Variants in KALRN observed in about 807,000 individuals in gnomAD.
KALRN encodes the protein kalirin RhoGEF kinase, also known as kalirin.
KALRN carries 70 observed loss-of-function variants against 353.7 expected under a neutral mutation model. That is an observed-to-expected ratio of 0.20 (90% CI 0.16 to 0.24). KALRN has a LOEUF of 0.24. Ranked by LOEUF, KALRN falls within the 10% of genes least tolerant of loss-of-function variation. The pLI is 1.00. For synonymous variants in KALRN, 1,391 were observed against 1,434.8 expected (o/e 0.97, Z 0.69); for missense variants, 2,791 against 3,756.7 (o/e 0.74, Z 6.72).
At chr3:124,396,473 C>A (rs1189031965) in intron 12 of KALRN, among the ~76,000 whole-genome samples, 1 of 152,182 alleles carries the variant, frequency 6.6e-6, no homozygotes, top group Non-Finnish European at 1.5e-5. Context: ...GCTTTGTGTG[C>A]CTCCCTAGGA....
chr3:124,387,427 G>A (rs1445633), intron 11 of KALRN, among the ~76,000 whole-genome samples: 26,401 of 152,086 alleles, frequency 0.17, 2,356 homozygotes, highest in Admixed American at 0.2. Flanking sequence ...GATAATTCTC[G>A]TTTTTTAAAA....
intron 10 of KALRN, among the ~76,000 whole-genome samples, chr3:124,368,580 G>C (rs1319353064): frequency 6.8e-6 from 1 of 148,022 alleles, no homozygotes; most frequent in Non-Finnish European, 1.5e-5. Flanking sequence ...TTTCCAGACT[G>C]GGCAGCCAGG....
intron 3 of KALRN, among the ~76,000 whole-genome samples, chr3:124,256,598 T>G (rs1972948): frequency 0.62 from 94,063 of 152,018 alleles, 31,893 homozygotes; most frequent in Non-Finnish European, 0.75. Context: ...AGGCTACCAT[T>G]AGTGAAAACG....
intron 1 of KALRN, among the ~76,000 whole-genome samples, chr3:124,048,773 G>A (rs1467341233): frequency 3.3e-5 from 5 of 152,312 alleles, no homozygotes; most frequent in Middle Eastern, 3.4e-3. Flanking sequence ...GTGAGCCACC[G>A]CACCCGGCCA....
At chr3:124,464,456 A>G (rs1049423850) in intron 25 of KALRN, among the ~76,000 whole-genome samples, 8 of 152,308 alleles carry the variant, frequency 5.3e-5, no homozygotes, top group East Asian at 3.9e-4. Context: ...AAATAGCTGA[A>G]AATCTACCTA....
chr3:124,712,359 T>C (rs2062932203), intron 57 of KALRN, among the ~76,000 whole-genome samples: 1 of 152,224 alleles, frequency 6.6e-6, no homozygotes, highest in Non-Finnish European at 1.5e-5. Flanking sequence ...TTTAAAATTA[T>C]CGTTGAGTAG....
At position 124,655,605 on chromosome 3, in the gene KALRN, G is replaced by A. The variant is rs1184218137; in HGVS notation, c.5800G>A (p.Val1934Ile). The A allele has an allele frequency of 6.2e-7, 1 of 1,613,246 alleles. No individual in the cohort carries two copies. Among genetic ancestry groups the A allele is most frequent in the African/African-American group, 1.3e-5 (1 of 75,040 alleles). Residue 1934 changes from valine (V) to isoleucine (I), a missense_variant, in exon 39 of 60, where the codon GTC (valine) becomes ATC (isoleucine). By Grantham distance (29) the Val-to-Ile change is conservative (BLOSUM62 3). Around this residue, in one of 11 missense-constraint regions of KALRN, gnomAD observed 1,065 missense variants for 1,156.4 expected, o/e 0.92. Transcript: ENST00000682506. Reference sequence around the variant, plus strand: ...TGTTCTTAATCTCCTGCTCAGGTTTGTCCTGAATGAGCTGGTACAGACAGA... The same window carrying A: ...TGTTCTTAATCTCCTGCTCAGGTTTATCCTGAATGAGCTGGTACAGACAGA... ...KAKALRGRMF[V>I]LNELVQTEKD...
At chr3:124,559,906 G>C (rs770022237) in intron 33 of KALRN, among the ~76,000 whole-genome samples, 1 of 152,212 alleles carries the variant, frequency 6.6e-6, no homozygotes, top group Non-Finnish European at 1.5e-5. Context: ...TGGCTTTTGG[G>C]CTGTATCTAA....
At chr3:124,149,365 C>T (rs914242418) in intron 1 of KALRN, among the ~76,000 whole-genome samples, 1 of 152,184 alleles carries the variant, frequency 6.6e-6, no homozygotes, top group African/African-American at 2.4e-5. Flanking sequence ...TTGGCACCTA[C>T]CTATCTCCCT....
chr3:124,204,562 A>G (rs1004079161), intron 1 of KALRN, among the ~76,000 whole-genome samples: 1 of 150,048 alleles, frequency 6.7e-6, no homozygotes, highest in Non-Finnish European at 1.5e-5. Context: ...ATTAAGATGC[A>G]CTTTGATTCA....
chr3:124,062,853 G>C (rs946201200), intron 1 of KALRN, among the ~76,000 whole-genome samples: 4 of 152,192 alleles, frequency 2.6e-5, no homozygotes, highest in African/African-American at 9.7e-5. Flanking sequence ...TAGAGAACTG[G>C]TGAGCTATAT....
chr3:124,562,735 C>T (rs778932490), intron 33 of KALRN, 108 bp from the exon 34 acceptor site: 27 of 1,024,592 alleles, frequency 2.6e-5, no homozygotes, highest in Non-Finnish European at 3.5e-5. Context: ...TTCCTCCTTA[C>T]CTCTGCTCTC....
At chr3:124,360,849 AAAG>A (rs1436375533) in intron 10 of KALRN, among the ~76,000 whole-genome samples, 1 of 152,204 alleles carries the variant, frequency 6.6e-6, no homozygotes, top group Non-Finnish European at 1.5e-5. Flanking sequence ...GTCTACGCTG[AAAG>A]AAGAGGGAGC....
chr3:124,553,862 C>A (rs1261237249), intron 33 of KALRN, among the ~76,000 whole-genome samples: 1 of 152,254 alleles, frequency 6.6e-6, no homozygotes, highest in African/African-American at 2.4e-5. Flanking sequence ...GTGGGTTAAT[C>A]CTCCCAGCCG....
chr3:124,701,418 C>T (rs1035522187), intron 56 of KALRN, among the ~76,000 whole-genome samples: 6 of 130,338 alleles, frequency 4.6e-5, no homozygotes, highest in African/African-American at 8.9e-5. Context: ...GACAGGGTCT[C>T]GCTCTGTCTC....
chr3:124,080,123 T>A (rs1475356860), intron 1 of KALRN: 1 of 469,330 alleles, frequency 2.1e-6, no homozygotes, highest in Admixed American at 2.4e-5. Flanking sequence ...GCAGGCTGTC[T>A]GAACACGAAA....
intron 10 of KALRN, among the ~76,000 whole-genome samples, chr3:124,364,255 T>A (rs1343208785): frequency 6.6e-6 from 1 of 152,198 alleles, no homozygotes; most frequent in African/African-American, 2.4e-5. Context: ...TATGGTATAG[T>A]CTGTGGTCAT....
intron 1 of KALRN, among the ~76,000 whole-genome samples, chr3:124,208,304 C>T (rs1401257210): frequency 6.6e-6 from 1 of 152,158 alleles, no homozygotes; most frequent in Non-Finnish European, 1.5e-5. Context: ...ATTGCTTTGA[C>T]CTTGAGCTTC....
intron 1 of KALRN, among the ~76,000 whole-genome samples, chr3:124,195,972 T>G (rs1436979279): frequency 6.6e-6 from 1 of 152,130 alleles, no homozygotes; most frequent in African/African-American, 2.4e-5. Context: ...CATCACCGAC[T>G]TTGTCCTCAG....
Sources: gnomAD v4.1 joint callset for allele counts (sites outside exome capture counted in the v4.1 genomes callset) on GRCh38, gnomAD v4.1.1 for gene constraint, gnomAD v4.1.1 regional missense constraint, MANE v1.5 for transcripts, NCBI Gene and HGNC (gene_info 2026-07-23, HGNC 2026-07-21) for gene names.